RAB3GAP2: variants seen among roughly 807,000 people sequenced by gnomAD.
The protein encoded by RAB3GAP2 is rab3 GTPase-activating protein non-catalytic subunit.
RAB3GAP2 carries 87 observed loss-of-function variants against 185.3 expected under a neutral mutation model. The observed-to-expected ratio is 0.47, with a 90% CI of 0.39 to 0.56. The LOEUF (loss-of-function observed/expected upper bound fraction) is 0.56. Ranked by LOEUF, RAB3GAP2 falls within the 20% of genes least tolerant of loss-of-function variation. The pLI is 0.00. For missense variants in RAB3GAP2, 1,492 were observed against 1,638.2 expected, an observed-to-expected ratio of 0.91 and a Z score of 1.54; for synonymous variants, 554 against 576.1, an observed-to-expected ratio of 0.96 and a Z score of 0.55.
chr1:220,165,457 T>C (rs1028023615), intron 26 of RAB3GAP2, among the ~76,000 whole-genome samples: 5 of 152,108 alleles, frequency 3.3e-5, no homozygotes, highest in Admixed American at 2.6e-4. Flanking sequence ...ACAACACTGA[T>C]TAAATAATTT....
intron 9 of RAB3GAP2, among the ~76,000 whole-genome samples, chr1:220,198,623 C>T (rs761889077): frequency 3.9e-5 from 6 of 152,090 alleles, no homozygotes; most frequent in African/African-American, 1.2e-4. Flanking sequence ...TGTATCTCAA[C>T]GTTTTATTAA....
At chr1:220,245,285 C>A (rs919757019) in intron 1 of RAB3GAP2, among the ~76,000 whole-genome samples, 10 of 152,214 alleles carry the variant, frequency 6.6e-5, no homozygotes, top group African/African-American at 2.4e-4. Context: ...GAGTGCCAGA[C>A]AGTGGGCGCA....
chr1:220,254,010 G>A (rs1208429804), intron 1 of RAB3GAP2: 11 of 1,613,778 alleles, frequency 6.8e-6, no homozygotes, highest in Non-Finnish European at 9.3e-6. Context: ...TTGAAAATGA[G>A]GAAACATTCA....
chr1:220,272,435 A>G lies in RAB3GAP2; in HGVS notation c.-98T>C, dbSNP rs1660355791. The stretch of plus-strand genomic sequence containing the variant: ...CCACCGAGCCCCAATAGCTCTAGCC[A>G]AGCAGAAGGCGGAGAAACCAAACCG... On this transcript the variant is annotated 5_prime_UTR_variant, in exon 1 of 35. Coordinates refer to ENST00000358951, the MANE Select transcript of RAB3GAP2 (RefSeq NM_012414.4). The G allele has an allele frequency of 1.3e-6, 1 of 786,350 alleles. No individual in the cohort carries two copies. The highest frequency in any genetic ancestry group is 1.7e-5 in the African/African-American group (1 of 57,562). 48.7% of individuals were successfully genotyped at this position (786,350 alleles called of 1,614,324 possible).
rs757451994 is a variant in RAB3GAP2, at chr1:220,185,687, T to A, written c.1834A>T (p.Ile612Phe). 6.2e-7 allele frequency: 1 copy of A among 1,612,672 alleles called. No individual in the cohort carries two copies. Among genetic ancestry groups the A allele is most frequent in the Non-Finnish European group, 8.5e-7 (1 of 1,178,966 alleles). ...AAAGTGTCCATTAAAGTCTGAGTGATGTTTCTAAGGCAAGAAAATGGTAAA... is the reference window on the plus strand; with the variant it reads ...AAAGTGTCCATTAAAGTCTGAGTGAAGTTTCTAAGGCAAGAAAATGGTAAA... ...ERLPFSCLRN[I>F]TQTLMDTLKS... The change falls in exon 18 of 35, where the codon ATC becomes TTC. Residue 612 changes from isoleucine (I) to phenylalanine (F), a missense_variant. Transcript: ENST00000358951.
intron 8 of RAB3GAP2, among the ~76,000 whole-genome samples, chr1:220,202,852 A>G (rs996369414): frequency 1.3e-5 from 2 of 152,226 alleles, no homozygotes; most frequent in African/African-American, 4.8e-5. Context: ...CTGAGGCAGG[A>G]AAATCACTTG....
chr1:220,251,001 T>C (rs1427440606), intron 1 of RAB3GAP2, among the ~76,000 whole-genome samples: 1 of 152,204 alleles, frequency 6.6e-6, no homozygotes. Flanking sequence ...ACAAGTACTT[T>C]GGCAGAAACT....
At chr1:220,210,254 T>C (rs1659053953) in intron 7 of RAB3GAP2, 134 bp downstream of exon 7, 2 of 766,186 alleles carry the variant, frequency 2.6e-6, no homozygotes, top group African/African-American at 1.7e-5. Context: ...ATTATATTTC[T>C]AGACTATGAT....
intron 1 of RAB3GAP2, among the ~76,000 whole-genome samples, chr1:220,269,369 A>C (rs1263652338): frequency 6.6e-6 from 1 of 152,230 alleles, no homozygotes; most frequent in Non-Finnish European, 1.5e-5. Context: ...GGCCTTATAC[A>C]CCATTTAAGA....
chr1:220,272,141 CA>C, intron 1 of RAB3GAP2, 81 bp downstream of exon 1: 1 of 1,210,826 alleles, frequency 8.3e-7, no homozygotes, highest in East Asian at 2.5e-5. Context: ...GCAGGAGGCG[CA>C]GAGCGAGTAG....
At position 220,226,883 on chromosome 1, in the gene RAB3GAP2, T is replaced by C. The variant is rs577712609; in HGVS notation, c.180+5916A>G. The stretch of plus-strand genomic sequence containing the variant: ...TGCAAATGAGCTCATAAGAGTTGGA[T>C]AGGACTGGTGTCCTCATAAGAGGAA... On this transcript the variant is annotated intron_variant, in intron 2 of 34. Transcript: ENST00000358951. Among the ~76,000 whole-genome samples the C allele has an allele frequency of 2.0e-5, 3 of 152,200 alleles. No homozygotes were observed. The South Asian group carries it at 6.2e-4, about 32-fold the overall frequency.
intron 1 of RAB3GAP2, among the ~76,000 whole-genome samples, chr1:220,245,292 C>T (rs2667963): frequency 0.038 from 5,773 of 152,182 alleles, 371 homozygotes; most frequent in African/African-American, 0.13. Context: ...AGACAGTGGG[C>T]GCAGGCCAGT....
intron 2 of RAB3GAP2, 134 bp downstream of exon 2, chr1:220,232,665 A>AG (rs1354584469): frequency 1.3e-6 from 1 of 786,760 alleles, no homozygotes; most frequent in African/African-American, 1.7e-5. Context: ...TATCTAGTTA[A>AG]GTACTAATAA....
At chr1:220,157,712 T>G (rs1657885177) in intron 30 of RAB3GAP2, 90 bp downstream of exon 30, 3 of 1,218,688 alleles carry the variant, frequency 2.5e-6, no homozygotes, top group Non-Finnish European at 3.6e-6. Flanking sequence ...AAAAACAACC[T>G]CATTAAAATA....
At chr1:220,179,831 C>T (rs900131673) in intron 21 of RAB3GAP2, among the ~76,000 whole-genome samples, 1 of 152,062 alleles carries the variant, frequency 6.6e-6, no homozygotes, top group African/African-American at 2.4e-5. Flanking sequence ...AATGGAAATA[C>T]AACATACTAG....
chr1:220,173,487 T>TC (rs1658217492), intron 21 of RAB3GAP2, among the ~76,000 whole-genome samples: 1 of 152,328 alleles, frequency 6.6e-6, no homozygotes, highest in Non-Finnish European at 1.5e-5. Context: ...AAAGACTGAC[T>TC]GTTAGTTTAA....
At chr1:220,212,789 A>G in intron 4 of RAB3GAP2, 98 bp downstream of exon 4, 1 of 1,024,842 alleles carries the variant, frequency 9.8e-7, no homozygotes, top group Non-Finnish European at 1.5e-6. Flanking sequence ...CACTGCACCC[A>G]ATCAAATAAT....
intron 1 of RAB3GAP2, among the ~76,000 whole-genome samples, chr1:220,237,108 A>C (rs936008801): frequency 3.3e-5 from 5 of 152,212 alleles, no homozygotes; most frequent in African/African-American, 1.2e-4. Context: ...GGTATAACTT[A>C]AAAAGGCAAA....
At chr1:220,244,215 T>C (rs1659755567) in intron 1 of RAB3GAP2, among the ~76,000 whole-genome samples, 2 of 152,248 alleles carry the variant, frequency 1.3e-5, no homozygotes, top group South Asian at 4.2e-4. Context: ...AAGTCTACAG[T>C]TACCAAATCA....
Sources: gnomAD v4.1 joint callset for allele counts (sites outside exome capture counted in the v4.1 genomes callset) on GRCh38, gnomAD v4.1.1 for gene constraint, MANE v1.5 for transcripts, NCBI Gene and HGNC (gene_info 2026-07-23, HGNC 2026-07-21) for gene names.